The following HECW1 variants were observed in gnomAD, a reference collection of about 807,000 sequenced individuals.
HECW1 encodes the protein HECT, C2 and WW domain containing E3 ubiquitin protein ligase 1.
HECW1 carries 61 observed loss-of-function variants against 182.3 expected under a neutral mutation model. The ratio of observed to expected loss-of-function variants is 0.33; its 90% CI spans 0.27 to 0.41. HECW1 has a LOEUF of 0.41. HECW1 is among the 10% of genes least tolerant of loss of function. The pLI is 1.00. For missense variants in HECW1, 1,739 were observed against 2,108.9 expected, an observed-to-expected ratio of 0.82 and a Z score of 3.44; for synonymous variants, 859 against 832.6, an observed-to-expected ratio of 1.03 and a Z score of -0.55.
chr7:43,221,707 C>G (rs1035230162), intron 2 of HECW1, among the ~76,000 whole-genome samples: 1 of 151,588 alleles, frequency 6.6e-6, no homozygotes, highest in Non-Finnish European at 1.5e-5. Context: ...GTGCCCACCA[C>G]CACGCCCGGC....
chr7:43,529,957 A>AT (rs143618590), intron 24 of HECW1, among the ~76,000 whole-genome samples: 24,160 of 148,232 alleles, frequency 0.16, 2,479 homozygotes, highest in Non-Finnish European at 0.24. Context: ...ATTTTTATTT[A>AT]TTTTTTTTTT....
intron 5 of HECW1, 142 bp from the exon 6 acceptor site, chr7:43,360,744 T>C: frequency 1.5e-6 from 1 of 683,362 alleles, no homozygotes; most frequent in Non-Finnish European, 2.7e-6. Flanking sequence ...TGAGGCCACA[T>C]GAGGAGCATC....
intron 2 of HECW1, among the ~76,000 whole-genome samples, chr7:43,131,926 G>C (rs1289568366): frequency 6.6e-6 from 1 of 152,194 alleles, no homozygotes; most frequent in Non-Finnish European, 1.5e-5. Flanking sequence ...AGGATTGAAA[G>C]CTGCATGCTG....
intron 3 of HECW1, among the ~76,000 whole-genome samples, chr7:43,287,721 G>C (rs68143123): frequency 6.6e-6 from 1 of 152,234 alleles, no homozygotes; most frequent in East Asian, 1.9e-4. Flanking sequence ...TGATAGACCA[G>C]GTAAGAGATA....
At chr7:43,274,545 C>T (rs1263137155) in intron 3 of HECW1, 1 of 551,702 alleles carries the variant, frequency 1.8e-6, no homozygotes, top group Admixed American at 2.3e-5. Flanking sequence ...GCCGCCGGGC[C>T]ACGCTTCACC....
At chr7:43,287,352 G>A (rs995120300) in intron 3 of HECW1, among the ~76,000 whole-genome samples, 1 of 152,030 alleles carries the variant, frequency 6.6e-6, no homozygotes, top group Admixed American at 6.5e-5. Flanking sequence ...AGTAGGGAGT[G>A]CAGAGGCCCC....
intron 8 of HECW1, among the ~76,000 whole-genome samples, chr7:43,420,411 C>G (rs2076141552): frequency 6.6e-6 from 1 of 152,092 alleles, no homozygotes; most frequent in African/African-American, 2.4e-5. Context: ...GAACCAAGAA[C>G]AAGACAAGGA....
rs755378845 is a variant in HECW1 at position 43,513,642 on chromosome 7, C to T, written c.4019+4521C>T. ...TATAGTGAAAATTCTGTGTTACACACGTTAAGTAAGCTGGAAAAAAAAACT... is the reference window on the plus strand; with the variant it reads ...TATAGTGAAAATTCTGTGTTACACATGTTAAGTAAGCTGGAAAAAAAAACT... On this transcript the variant is annotated intron_variant, in intron 24 of 29. Transcript: ENST00000395891. Among the ~76,000 whole-genome samples the T allele has an allele frequency of 2.7e-5, 4 of 146,908 alleles. No homozygotes were observed. The East Asian group carries it at 6.0e-4, about 22-fold the overall frequency.
intron 2 of HECW1, among the ~76,000 whole-genome samples, chr7:43,153,506 G>A (rs1025411406): frequency 2.0e-5 from 3 of 152,158 alleles, no homozygotes; most frequent in African/African-American, 4.8e-5. Context: ...CCCATCTGGG[G>A]ACATAGATGT....
chr7:43,231,263 G>A (rs1797855078), intron 2 of HECW1, among the ~76,000 whole-genome samples: 1 of 152,194 alleles, frequency 6.6e-6, no homozygotes, highest in Non-Finnish European at 1.5e-5. Flanking sequence ...GGAATCATAT[G>A]TCCCTCCCAT....
At chr7:43,488,046 A>C (rs2078717421) in intron 17 of HECW1, among the ~76,000 whole-genome samples, 1 of 152,022 alleles carries the variant, frequency 6.6e-6, no homozygotes, top group Non-Finnish European at 1.5e-5. Context: ...ACAGTGGCTA[A>C]AGCCTGTAAT....
chr7:43,229,482 G>A (rs555729001), intron 2 of HECW1, among the ~76,000 whole-genome samples: 9 of 151,210 alleles, frequency 6.0e-5, no homozygotes, highest in Non-Finnish European at 8.8e-5. Context: ...CTTGAGGGTG[G>A]AGAGTGGGAG....
intron 3 of HECW1, among the ~76,000 whole-genome samples, chr7:43,298,545 C>A (rs956771898): frequency 6.6e-6 from 1 of 152,108 alleles, no homozygotes; most frequent in Non-Finnish European, 1.5e-5. Flanking sequence ...CTCTGATAAC[C>A]GATGGCAATG....
intron 2 of HECW1, among the ~76,000 whole-genome samples, chr7:43,193,149 T>A (rs1306741184): frequency 1.3e-5 from 2 of 152,196 alleles, no homozygotes; most frequent in African/African-American, 4.8e-5. Flanking sequence ...GGTAAGAGTG[T>A]CTTTTAGCAT....
chr7:43,273,944 C>T (rs893449868), intron 3 of HECW1, among the ~76,000 whole-genome samples: 5 of 151,856 alleles, frequency 3.3e-5, no homozygotes, highest in Admixed American at 1.3e-4. Flanking sequence ...CTCCACCTCC[C>T]GGGTTCAAGC....
chr7:43,204,622 C>T (rs762821751), intron 2 of HECW1, among the ~76,000 whole-genome samples: 5 of 152,056 alleles, frequency 3.3e-5, no homozygotes, highest in South Asian at 4.2e-4. Flanking sequence ...GGAGACAAGA[C>T]GGATTCTAGT....
At chr7:43,161,089 C>CA (rs1034463684) in intron 2 of HECW1, among the ~76,000 whole-genome samples, 4 of 151,874 alleles carry the variant, frequency 2.6e-5, no homozygotes, top group Non-Finnish European at 4.4e-5. Flanking sequence ...TTTGAAAACT[C>CA]AGAGTCCAGG....
Position 43,535,217 on chromosome 7 carries a change from G to A in HECW1, c.4020-5946G>A, listed in dbSNP as rs1434458751. Among the ~76,000 whole-genome samples the A allele has an allele frequency of 2.0e-5, 3 of 152,198 alleles. No individual in the cohort carries two copies. In the East Asian group the frequency reaches 5.8e-4, roughly 29 times the overall value. On this transcript the variant is annotated intron_variant, in intron 24 of 29. Coordinates refer to ENST00000395891, the MANE Select transcript of HECW1 (RefSeq NM_015052.5). Reference sequence around the variant, plus strand: ...GCAATGCGCTGAAGGGGAGGGTTGAGTCTTTTTGGGGCCTTTAAGCCACTT... The same window carrying A: ...GCAATGCGCTGAAGGGGAGGGTTGAATCTTTTTGGGGCCTTTAAGCCACTT...
intron 24 of HECW1, among the ~76,000 whole-genome samples, chr7:43,529,947 A>G (rs2080913460): frequency 6.8e-6 from 1 of 146,452 alleles, no homozygotes. Context: ...TACTTTTTTT[A>G]TTTTTATTTA....
Sources: gnomAD v4.1 joint callset for allele counts (sites outside exome capture counted in the v4.1 genomes callset) on GRCh38, gnomAD v4.1.1 for gene constraint, MANE v1.5 for transcripts, NCBI Gene and HGNC (gene_info 2026-07-23, HGNC 2026-07-21) for gene names.